Variants in RALA observed in about 807,000 individuals in gnomAD.
The protein encoded by RALA is RAS like proto-oncogene A.
RALA carries 5 observed loss-of-function variants against 24.0 expected under a neutral mutation model. The ratio of observed to expected loss-of-function variants is 0.21; its 90% CI spans 0.11 to 0.44. The LOEUF (loss-of-function observed/expected upper bound fraction) is 0.44, where lower values mean the gene tolerates loss of function less well. RALA is among the 20% of genes least tolerant of loss of function. The pLI, the probability that RALA is intolerant of heterozygous loss-of-function variation, is 0.99. For missense variants in RALA, 95 were observed against 241.2 expected (o/e 0.39, Z 4.01); for synonymous variants, 77 against 83.8 (o/e 0.92, Z 0.44).
chr7:39,654,798 TG>T (rs1792070557), intron 1 of RALA, among the ~76,000 whole-genome samples: 1 of 152,196 alleles, frequency 6.6e-6, no homozygotes, highest in South Asian at 2.1e-4. Flanking sequence ...TCACCAAGGC[TG>T]GAGTGCAGTG....
intron 1 of RALA, among the ~76,000 whole-genome samples, chr7:39,651,350 G>T (rs1465431559): frequency 6.6e-6 from 1 of 152,148 alleles, no homozygotes; most frequent in Non-Finnish European, 1.5e-5. Context: ...CACACAGACC[G>T]ACCCTGGTAC....
rs1470882631 is a variant in RALA, at chr7:39,705,230, AG to A, written c.499-891del. Reference sequence around the variant, plus strand: ...GTGCCTTGCTTTTTTCAGACGCGTTAGGAAAGGCCACATCAGTCATGACATA... The same window carrying A: ...GTGCCTTGCTTTTTTCAGACGCGTTAGAAAGGCCACATCAGTCATGACATA... On this transcript the variant is annotated intron_variant, in intron 4 of 4. Coordinates refer to ENST00000005257, the MANE Select transcript of RALA (RefSeq NM_005402.4). 3.3e-5 allele frequency among the ~76,000 whole-genome samples: 5 copies of A among 152,300 alleles called. No homozygotes were observed. In the East Asian group the frequency reaches 7.7e-4, roughly 24 times the overall value.
Position 39,696,700 on chromosome 7 carries a change from A to G in RALA, c.339A>G (p.Arg113=), listed in dbSNP as rs1792928301. ...TCTTATCCAGGGAGCAGATTTTAAG[A>G]GTAAAAGAAGATGAGAATGTTCCAT... The part of the protein sequence containing the change: ...ATADFREQIL[R]VKEDENVPFL... The change falls in exon 4 of 5, where the codon AGA becomes AGG. Residue 113 remains arginine (R), a synonymous_variant. Coordinates refer to ENST00000005257, the MANE Select transcript of RALA (RefSeq NM_005402.4). 6.2e-7 allele frequency: 1 copy of G among 1,601,712 alleles called. No individual in the cohort carries two copies. Among genetic ancestry groups the G allele is most frequent in the African/African-American group, 1.3e-5 (1 of 74,374 alleles).
intron 1 of RALA, among the ~76,000 whole-genome samples, chr7:39,678,709 G>A (rs556528016): frequency 1.3e-5 from 2 of 152,226 alleles, no homozygotes; most frequent in South Asian, 4.2e-4. Flanking sequence ...TGGATAAGTT[G>A]TATTTTAATT....
intron 3 of RALA, 21 bp from the exon 4 acceptor site, chr7:39,696,664 T>C (rs1447520683): frequency 6.4e-7 from 1 of 1,555,438 alleles, no homozygotes. Flanking sequence ...TAATATTTCT[T>C]TTTCATTTTC....
chr7:39,650,675 G>A (rs1792003919), intron 1 of RALA, among the ~76,000 whole-genome samples: 1 of 152,108 alleles, frequency 6.6e-6, no homozygotes, highest in Non-Finnish European at 1.5e-5. Context: ...ATCTATTGGG[G>A]CTGTGTTATA....
chr7:39,637,323 C>T (rs1445525293), intron 1 of RALA, among the ~76,000 whole-genome samples: 8 of 152,082 alleles, frequency 5.3e-5, no homozygotes, highest in Non-Finnish European at 1.2e-4. Context: ...ATACATTATC[C>T]TTGTTTGATC....
At position 39,640,021 on chromosome 7, in the gene RALA, C is replaced by T. The variant is rs558118859; in HGVS notation, c.-38+16196C>T. ...GTGTTTTTTCTATATTATAACCATT[C>T]TAGTGTGTATGAAATGGTATCTGGT... On this transcript the variant is annotated intron_variant, in intron 1 of 4. Transcript: ENST00000005257. Among the ~76,000 whole-genome samples the T allele has an allele frequency of 2.5e-4, 37 of 145,750 alleles. No individual in the cohort carries two copies. The South Asian group carries it at 7.3e-3, about 29-fold the overall frequency.
intron 1 of RALA, among the ~76,000 whole-genome samples, chr7:39,675,875 CAT>C (rs1429267951): frequency 2.6e-5 from 4 of 151,926 alleles, no homozygotes; most frequent in South Asian, 2.1e-4. Flanking sequence ...TAGGGAGTAT[CAT>C]GTGTGAGTTG....
chr7:39,641,109 A>T (rs2115942037), intron 1 of RALA, among the ~76,000 whole-genome samples: 1 of 152,180 alleles, frequency 6.6e-6, no homozygotes, highest in East Asian at 1.9e-4. Context: ...ATCCTAATTT[A>T]GTCCTGTTGT....
chr7:39,698,817 A>G (rs1005172024), intron 4 of RALA, among the ~76,000 whole-genome samples: 5 of 152,146 alleles, frequency 3.3e-5, no homozygotes, highest in South Asian at 2.1e-4. Flanking sequence ...CTCTTACAGG[A>G]CAAAAGCCTA....
At chr7:39,702,587 A>G (rs1402214677) in intron 4 of RALA, among the ~76,000 whole-genome samples, 1 of 152,230 alleles carries the variant, frequency 6.6e-6, no homozygotes, top group Non-Finnish European at 1.5e-5. Context: ...CAGTGTTCAC[A>G]ATAGCCAAGA....
At chr7:39,690,240 T>C in intron 2 of RALA, 142 bp from the exon 3 acceptor site, 1 of 639,156 alleles carries the variant, frequency 1.6e-6, no homozygotes, top group African/African-American at 1.8e-5. Context: ...TAGTGTAGTT[T>C]TTACCATTGG....
intron 2 of RALA, among the ~76,000 whole-genome samples, chr7:39,689,148 G>A (rs930654860): frequency 6.6e-6 from 1 of 152,092 alleles, no homozygotes; most frequent in African/African-American, 2.4e-5. Flanking sequence ...CATGAGATTT[G>A]GGTGGGGACA....
chr7:39,681,611 T>G (rs1792604943), intron 1 of RALA, among the ~76,000 whole-genome samples: 1 of 152,158 alleles, frequency 6.6e-6, no homozygotes, highest in African/African-American at 2.4e-5. Context: ...TCAGCCAGCC[T>G]CAGTGACTGT....
At chr7:39,639,228 A>G (rs1245364321) in intron 1 of RALA, among the ~76,000 whole-genome samples, 1 of 152,228 alleles carries the variant, frequency 6.6e-6, no homozygotes, top group Non-Finnish European at 1.5e-5. Flanking sequence ...CATTGAAAGA[A>G]TTGTGAGCTT....
chr7:39,651,404 G>A (rs1792016615), intron 1 of RALA, among the ~76,000 whole-genome samples: 2 of 152,188 alleles, frequency 1.3e-5, no homozygotes, highest in Admixed American at 6.5e-5. Context: ...GGATGTGTGG[G>A]GATTGTTGGA....
intron 1 of RALA, among the ~76,000 whole-genome samples, chr7:39,672,902 GTA>G (rs1428081428): frequency 1.3e-5 from 2 of 152,160 alleles, no homozygotes; most frequent in Non-Finnish European, 2.9e-5. Flanking sequence ...TTACATGACT[GTA>G]TACATTTATC....
intron 1 of RALA, among the ~76,000 whole-genome samples, chr7:39,636,324 G>A (rs1216908753): frequency 1.3e-5 from 2 of 152,136 alleles, no homozygotes; most frequent in Non-Finnish European, 2.9e-5. Flanking sequence ...ATCCCCACTG[G>A]AAGCGTATGA....
Sources: allele counts gnomAD v4.1 joint callset (sites outside exome capture counted in the v4.1 genomes callset), GRCh38; gene constraint gnomAD v4.1.1; transcripts MANE v1.5; gene names NCBI Gene and HGNC (gene_info 2026-07-23, HGNC 2026-07-21).